The following PCDH9 variants were observed in gnomAD, a reference collection of about 807,000 sequenced individuals.
PCDH9 encodes protocadherin 9.
A neutral mutation model predicts 70.6 loss-of-function variants in PCDH9; 24 were observed. That is an observed-to-expected ratio of 0.34 (90% confidence interval 0.25 to 0.48). PCDH9 has a LOEUF of 0.48. PCDH9 is among the 20% of genes least tolerant of loss of function. The pLI, the probability that PCDH9 is intolerant of heterozygous loss-of-function variation, is 0.99. For synonymous variants in PCDH9, 562 were observed against 558.5 expected (o/e 1.01, Z -0.09); for missense variants, 1,281 against 1,503.6 (o/e 0.85, Z 2.45).
intron 2 of PCDH9, among the ~76,000 whole-genome samples, chr13:66,955,077 C>G (rs2083246671): frequency 6.6e-6 from 1 of 152,132 alleles, no homozygotes; most frequent in Non-Finnish European, 1.5e-5. Context: ...TAAATCACAA[C>G]TCTGATCACC....
At chr13:66,521,582 T>G (rs898219742) in intron 4 of PCDH9, among the ~76,000 whole-genome samples, 27 of 152,160 alleles carry the variant, frequency 1.8e-4, no homozygotes, top group African/African-American at 6.0e-4. Flanking sequence ...TGGAAGATTC[T>G]GCTATATTGC....
intron 3 of PCDH9, among the ~76,000 whole-genome samples, chr13:66,717,480 A>AAAAAATATAT (rs1566145314): frequency 2.3e-5 from 1 of 44,430 alleles, no homozygotes; most frequent in African/African-American, 8.8e-5. Context: ...AAAAAAAAAA[A>AAAAAATATAT]ATATATATAT....
At chr13:66,517,103 C>T (rs551626440) in intron 4 of PCDH9, among the ~76,000 whole-genome samples, 8 of 152,024 alleles carry the variant, frequency 5.3e-5, no homozygotes, top group East Asian at 1.9e-4. Context: ...TTTGCCCACA[C>T]GTGCCAAACT....
At chr13:66,747,644 T>G (rs1231846080) in intron 3 of PCDH9, among the ~76,000 whole-genome samples, 5 of 152,136 alleles carry the variant, frequency 3.3e-5, no homozygotes, top group Non-Finnish European at 1.5e-5. Flanking sequence ...CATACATATA[T>G]GCATATACAT....
At chr13:66,711,377 C>T (rs202150494) in intron 3 of PCDH9, among the ~76,000 whole-genome samples, 17 of 140,976 alleles carry the variant, frequency 1.2e-4, no homozygotes, top group East Asian at 6.1e-4. Context: ...TATGTATTGA[C>T]GAAGAAGAAA....
Position 66,846,850 on chromosome 13 carries a change from G to A in PCDH9, c.3138+56654C>T, listed in dbSNP as rs1393031647. Among the ~76,000 whole-genome samples, 5 of 150,508 alleles carry A rather than the reference G, an allele frequency of 3.3e-5. No homozygotes were observed. In the East Asian group the frequency reaches 7.8e-4, roughly 24 times the overall value. ...ATGAAAGAGAACAAAATCTTCCTCT[G>A]GGCATTCTATCAATCTCTCTCCCTT... On this transcript the variant is annotated intron_variant, in intron 3 of 4. Coordinates refer to ENST00000377865, the MANE Select transcript of PCDH9 (RefSeq NM_203487.3).
At chr13:67,032,651 T>G (rs2084931011) in intron 2 of PCDH9, among the ~76,000 whole-genome samples, 1 of 152,204 alleles carries the variant, frequency 6.6e-6, no homozygotes, top group Non-Finnish European at 1.5e-5. Context: ...CTGAGACTCA[T>G]TATGAGACTA....
At chr13:67,062,272 A>G (rs538344510) in intron 2 of PCDH9, among the ~76,000 whole-genome samples, 3 of 152,342 alleles carry the variant, frequency 2.0e-5, no homozygotes, top group African/African-American at 7.2e-5. Context: ...AGCACATTTA[A>G]GCTTGTGACC....
intron 4 of PCDH9, among the ~76,000 whole-genome samples, chr13:66,593,519 A>T (rs759689113): frequency 6.6e-6 from 1 of 151,722 alleles, no homozygotes; most frequent in Non-Finnish European, 1.5e-5. Context: ...CTGAGTATAT[A>T]TTATTCTGTA....
chr13:66,547,058 A>G (rs1397547380), intron 4 of PCDH9, among the ~76,000 whole-genome samples: 1 of 152,232 alleles, frequency 6.6e-6, no homozygotes, highest in African/African-American at 2.4e-5. Context: ...GTATTCTGTC[A>G]TTAAAGGACA....
At chr13:67,097,802 G>A (rs1338388401) in intron 2 of PCDH9, among the ~76,000 whole-genome samples, 1 of 152,048 alleles carries the variant, frequency 6.6e-6, no homozygotes, top group Non-Finnish European at 1.5e-5. Flanking sequence ...AACCAATGAA[G>A]AGCCAAGATG....
At chr13:66,467,659 T>G (rs545815689) in intron 4 of PCDH9, among the ~76,000 whole-genome samples, 8 of 152,158 alleles carry the variant, frequency 5.3e-5, no homozygotes, top group African/African-American at 1.9e-4. Flanking sequence ...TCAGCAATTA[T>G]CCCACAGTCC....
intron 4 of PCDH9, among the ~76,000 whole-genome samples, chr13:66,599,868 AT>A (rs1249875948): frequency 6.6e-6 from 1 of 151,808 alleles, no homozygotes; most frequent in Non-Finnish European, 1.5e-5. Flanking sequence ...TCTACGATTG[AT>A]TTTGTCCCTA....
At chr13:67,166,775 G>T (rs753062955) in intron 2 of PCDH9, among the ~76,000 whole-genome samples, 11 of 152,136 alleles carry the variant, frequency 7.2e-5, no homozygotes, top group African/African-American at 1.2e-4. Flanking sequence ...GCTACCATGA[G>T]TGTGTGGCTA....
chr13:66,829,791 C>T (rs1007594674), intron 3 of PCDH9, among the ~76,000 whole-genome samples: 1 of 137,466 alleles, frequency 7.3e-6, no homozygotes, highest in Non-Finnish European at 1.5e-5. Context: ...TTCTAGAAAT[C>T]TGGGGTTCTA....
intron 2 of PCDH9, among the ~76,000 whole-genome samples, chr13:67,122,232 T>C (rs2086890950): frequency 6.6e-6 from 1 of 152,172 alleles, no homozygotes; most frequent in Non-Finnish European, 1.5e-5. Flanking sequence ...TGATTAAATA[T>C]AAATCGTTCA....
chr13:66,781,115 G>A (rs1013553589), intron 3 of PCDH9, among the ~76,000 whole-genome samples: 2 of 152,096 alleles, frequency 1.3e-5, no homozygotes, highest in African/African-American at 4.8e-5. Flanking sequence ...GACTTTTCCT[G>A]TAAAGGAATA....
chr13:66,367,772 A>G (rs932932693), intron 4 of PCDH9, among the ~76,000 whole-genome samples: 4 of 152,174 alleles, frequency 2.6e-5, no homozygotes, highest in Admixed American at 1.3e-4. Flanking sequence ...TTTGGACTAT[A>G]TTAAAATGAG....
chr13:66,595,001 A>T (rs2077085090), intron 4 of PCDH9, among the ~76,000 whole-genome samples: 2 of 151,450 alleles, frequency 1.3e-5, no homozygotes, highest in African/African-American at 4.8e-5. Flanking sequence ...AAAAAAAAAA[A>T]AAAAACTTAA....
Sources: allele counts gnomAD v4.1 joint callset (sites outside exome capture counted in the v4.1 genomes callset), GRCh38; gene constraint gnomAD v4.1.1; transcripts MANE v1.5; gene names NCBI Gene and HGNC (gene_info 2026-07-23, HGNC 2026-07-21).